CAST: variants seen among roughly 807,000 people sequenced by gnomAD.
CAST encodes calpastatin.
In CAST, 76 loss-of-function variants were observed where a neutral mutation model predicts 119.6. That is an observed-to-expected ratio of 0.64 (90% confidence interval 0.53 to 0.77). The LOEUF is 0.77. CAST is among the 30% of genes least tolerant of loss of function. CAST has a pLI of 0.00. For synonymous variants in CAST, 319 were observed against 331.6 expected (o/e 0.96, Z 0.41); for missense variants, 953 against 946.5 (o/e 1.01, Z -0.09).
chr5:96,664,789 T>A (rs1749109273), intron 1 of CAST, among the ~76,000 whole-genome samples: 1 of 152,242 alleles, frequency 6.6e-6, no homozygotes, highest in African/African-American at 2.4e-5. Context: ...TCATGAATGT[T>A]TTCCAGTACA....
At chr5:95,969,266 G>A in the CAST span, among the ~76,000 whole-genome samples, 1 of 152,118 alleles carries the variant, frequency 6.6e-6, no homozygotes, top group Non-Finnish European at 1.5e-5. Flanking sequence ...GGGAACTGTT[G>A]GAGGCTTCCG....
At chr5:96,483,325 A>G in the CAST span, among the ~76,000 whole-genome samples, 1 of 152,190 alleles carries the variant, frequency 6.6e-6, no homozygotes, top group Non-Finnish European at 1.5e-5. Flanking sequence ...GACCATAGAC[A>G]AGTAAAATAG....
the CAST span, chr5:96,214,726 G>T: frequency 6.6e-6 from 1 of 152,148 alleles, no homozygotes; most frequent in Non-Finnish European, 1.5e-5. Flanking sequence ...GTGGTGGTAT[G>T]CACTGTGATG....
the CAST span, among the ~76,000 whole-genome samples, chr5:96,141,215 A>G: frequency 5.3e-5 from 8 of 152,206 alleles, no homozygotes; most frequent in African/African-American, 1.9e-4. Context: ...CAATGGGCCA[A>G]ATTAAGTATA....
chr5:96,558,429 T>A (rs553484303), intron 1 of CAST, among the ~76,000 whole-genome samples: 1 of 152,214 alleles, frequency 6.6e-6, no homozygotes, highest in African/African-American at 2.4e-5. Context: ...GCTGGTTTTT[T>A]GAAAAGATCA....
the CAST span, among the ~76,000 whole-genome samples, chr5:96,434,630 TG>T: frequency 2.0e-3 from 309 of 150,792 alleles, 2 homozygotes; most frequent in African/African-American, 7.2e-3. Context: ...TTGTTGTTGT[TG>T]TTGTTTTTTA....
intron 9 of CAST, among the ~76,000 whole-genome samples, chr5:96,731,592 G>A (rs1283866956): frequency 2.7e-4 from 40 of 149,406 alleles, no homozygotes; most frequent in South Asian, 2.1e-4. Context: ...ATGCTGGTGC[G>A]CTGCACCCAC....
chr5:96,526,938 G>A (rs957595640), upstream of CAST, among the ~76,000 whole-genome samples: 1 of 152,180 alleles, frequency 6.6e-6, no homozygotes, highest in South Asian at 2.1e-4. Context: ...GGAAAATGGG[G>A]GTGGGAGTGG....
At chr5:96,280,175 A>T in the CAST span, among the ~76,000 whole-genome samples, 4 of 152,256 alleles carry the variant, frequency 2.6e-5, no homozygotes, top group Admixed American at 2.6e-4. Context: ...CTCGTATTGG[A>T]GGCACTAAGC....
chr5:96,620,360 T>G (rs1157198183), intron 1 of CAST, among the ~76,000 whole-genome samples: 2 of 151,640 alleles, frequency 1.3e-5, no homozygotes, highest in Non-Finnish European at 2.9e-5. Flanking sequence ...GTGATACACA[T>G]TCAGTCGACA....
the CAST span, among the ~76,000 whole-genome samples, chr5:96,099,294 T>C: frequency 6.6e-6 from 1 of 152,162 alleles, no homozygotes; most frequent in Non-Finnish European, 1.5e-5. Flanking sequence ...CTTCCTCTCT[T>C]CCTGTTTGGA....
At chr5:96,624,961 G>T (rs532197198) in intron 1 of CAST, among the ~76,000 whole-genome samples, 38 of 152,316 alleles carry the variant, frequency 2.5e-4, no homozygotes, top group South Asian at 4.1e-4. Context: ...TGGCATTGTT[G>T]CTATTTGTTG....
At chr5:96,546,189 C>T (rs1457566281) in intron 1 of CAST, 1 of 152,080 alleles carries the variant, frequency 6.6e-6, no homozygotes, top group Non-Finnish European at 1.5e-5. Context: ...ATGTGCAGAC[C>T]CATCCATAAG....
chr5:96,418,574 C>T, the CAST span, among the ~76,000 whole-genome samples: 10 of 152,078 alleles, frequency 6.6e-5, no homozygotes, highest in South Asian at 2.1e-4. Flanking sequence ...ATCTCATTTA[C>T]GTGGTAATAA....
chr5:96,561,983 G>A (rs913504747), intron 1 of CAST, among the ~76,000 whole-genome samples: 4 of 149,208 alleles, frequency 2.7e-5, no homozygotes, highest in Non-Finnish European at 5.9e-5. Context: ...TAGTAGAGAC[G>A]GGGTTTCACC....
At chr5:96,102,156 G>T in the CAST span, among the ~76,000 whole-genome samples, 1 of 152,182 alleles carries the variant, frequency 6.6e-6, no homozygotes, top group African/African-American at 2.4e-5. Context: ...TTTTTTGGGT[G>T]CTCATACTTG....
the CAST span, among the ~76,000 whole-genome samples, chr5:96,318,240 C>T: frequency 3.9e-5 from 6 of 152,234 alleles, no homozygotes; most frequent in Admixed American, 2.6e-4. Context: ...TGATCAATTT[C>T]TGGACACCCA....
chr5:96,067,486 G>T, the CAST span, among the ~76,000 whole-genome samples: 6 of 152,164 alleles, frequency 3.9e-5, no homozygotes, highest in Non-Finnish European at 7.3e-5. Context: ...CATAGAGATG[G>T]TCTTAATTGC....
At chr5:96,429,200 G>A in the CAST span, 2 of 1,289,980 alleles carry the variant, frequency 1.6e-6, no homozygotes, top group Admixed American at 1.7e-5. Context: ...GAAGACAAAT[G>A]TACAACACTT....
Sources: allele counts gnomAD v4.1 joint callset (sites outside exome capture counted in the v4.1 genomes callset), GRCh38; gene constraint gnomAD v4.1.1; transcripts MANE v1.5; gene names NCBI Gene and HGNC (gene_info 2026-07-23, HGNC 2026-07-21).